KYNU: variants seen among roughly 807,000 people sequenced by gnomAD.
The protein encoded by KYNU is L-kynurenine hydrolase.
A neutral mutation model predicts 59.2 loss-of-function variants in KYNU; 54 were observed. The observed-to-expected ratio is 0.91, with a 90% confidence interval of 0.73 to 1.14. The LOEUF is 1.14. KYNU is among the 50% of genes most tolerant of loss of function. KYNU has a pLI of 0.00. For synonymous variants in KYNU, 177 were observed against 192.0 expected (o/e 0.92, Z 0.65); for missense variants, 567 against 554.4 (o/e 1.02, Z -0.23).
At chr2:143,013,976 G>A (rs545200785) in intron 10 of KYNU, among the ~76,000 whole-genome samples, 2 of 152,266 alleles carry the variant, frequency 1.3e-5, no homozygotes, top group South Asian at 4.1e-4. Context: ...GGAGACTTGG[G>A]GTCTGTCAGT....
intron 12 of KYNU, among the ~76,000 whole-genome samples, chr2:143,033,790 C>G (rs1244719476): frequency 6.6e-6 from 1 of 151,952 alleles, no homozygotes; most frequent in South Asian, 2.1e-4. Flanking sequence ...ATGAACTGAC[C>G]AAGTACCATG....
chr2:142,966,498 G>A (rs1450894831), intron 8 of KYNU, among the ~76,000 whole-genome samples: 1 of 152,136 alleles, frequency 6.6e-6, no homozygotes, highest in Non-Finnish European at 1.5e-5. Context: ...ATCACTGCAT[G>A]CTCAAGAACA....
chr2:142,956,210 T>G lies in KYNU; in HGVS notation c.443T>G (p.Phe148Cys), dbSNP rs1180006688. 1 of 1,585,984 alleles carries G rather than the reference T, an allele frequency of 6.3e-7. No homozygotes were observed. Among genetic ancestry groups the G allele is most frequent in the African/African-American group, 1.3e-5 (1 of 74,334 alleles). Residue 148 changes from phenylalanine to cysteine, a missense_variant, in exon 6 of 14, where the codon TTT becomes TGT. Transcript: ENST00000264170. Reference protein sequence around the residue: ...TVNLHLLMLSFFKPTPKRYKI... With the variant: ...TVNLHLLMLSCFKPTPKRYKI... ...AAATCCATTTTATTGCAGTTATCAT[T>G]TTTTAAGCCTACGCCAAAACGATAT...
chr2:143,001,473 T>C (rs1276625237), intron 10 of KYNU, among the ~76,000 whole-genome samples: 1 of 152,200 alleles, frequency 6.6e-6, no homozygotes, highest in African/African-American at 2.4e-5. Flanking sequence ...ACAATAGATA[T>C]AGAGCCCTTA....
chr2:143,033,236 A>T lies in KYNU; in HGVS notation c.956A>T (p.Lys319Ile). Residue 319 changes from lysine to isoleucine, a missense_variant and splice_region_variant, in exon 12 of 14, where the codon AAA (lysine) becomes ATA (isoleucine). By Grantham distance (102) the Lys-to-Ile change is moderately radical. Transcript: ENST00000264170. ...ELSTRFKMDN[K>I]LQLIPGVCGF... ...TAATGACATGATATTAATTTCTCAG[A>T]ACTGCAGTTAATCCCTGGGGTCTGT... 6.2e-7 allele frequency: 1 copy of T among 1,605,724 alleles called. No homozygotes were observed. Among genetic ancestry groups the T allele is most frequent in the Non-Finnish European group, 8.5e-7 (1 of 1,172,406 alleles).
Position 142,885,550 on chromosome 2 carries a change from G to A in KYNU, c.169+14G>A. On this transcript the variant is annotated intron_variant, in intron 2 of 13. Coordinates refer to ENST00000264170, the MANE Select transcript of KYNU (RefSeq NM_003937.3). ...ATCTGCCTCCAGGTAAGAATGCTGGGAAGGTTTTTAAATTTTATTTATTTA... is the reference window on the plus strand; with the variant it reads ...ATCTGCCTCCAGGTAAGAATGCTGGAAAGGTTTTTAAATTTTATTTATTTA... 6.2e-7 allele frequency: 1 copy of A among 1,606,702 alleles called. No individual in the cohort carries two copies. Among genetic ancestry groups the A allele is most frequent in the Admixed American group, 1.7e-5 (1 of 59,814 alleles).
chr2:142,879,644 A>G (rs953327495), intron 1 of KYNU: 23 of 152,330 alleles, frequency 1.5e-4, no homozygotes, highest in Admixed American at 1.4e-3. Context: ...GACCAGCACA[A>G]TGGACTCAGC....
intron 3 of KYNU, among the ~76,000 whole-genome samples, chr2:142,924,298 C>T (rs554132284): frequency 1.3e-5 from 2 of 152,026 alleles, no homozygotes; most frequent in South Asian, 2.1e-4. Flanking sequence ...GTAGAGACGA[C>T]GTCTCCCTAT....
At chr2:142,879,265 C>A (rs146447539) in intron 1 of KYNU, among the ~76,000 whole-genome samples, 1 of 152,104 alleles carries the variant, frequency 6.6e-6, no homozygotes, top group Non-Finnish European at 1.5e-5. Flanking sequence ...TGAGACCATG[C>A]GAAGTTGTGC....
chr2:142,999,833 C>A (rs1233588864), intron 10 of KYNU, among the ~76,000 whole-genome samples: 1 of 151,988 alleles, frequency 6.6e-6, no homozygotes, highest in African/African-American at 2.4e-5. Context: ...AGACAGAAAT[C>A]TCATCTTCTT....
chr2:143,032,476 C>T (rs1686781099), intron 11 of KYNU, among the ~76,000 whole-genome samples: 2 of 152,026 alleles, frequency 1.3e-5, no homozygotes, highest in Non-Finnish European at 2.9e-5. Context: ...GACTCAGAGC[C>T]AAACCATATC....
chr2:142,895,783 C>T (rs1347102319), intron 2 of KYNU, among the ~76,000 whole-genome samples: 1 of 152,116 alleles, frequency 6.6e-6, no homozygotes, highest in Non-Finnish European at 1.5e-5. Flanking sequence ...CTCCCTGGCT[C>T]AAGCAATTCT....
chr2:142,902,905 G>T (rs1196143224), intron 2 of KYNU, among the ~76,000 whole-genome samples: 1 of 152,140 alleles, frequency 6.6e-6, no homozygotes, highest in Non-Finnish European at 1.5e-5. Flanking sequence ...CATCTTTAAA[G>T]GCAAATAAGA....
intron 5 of KYNU, among the ~76,000 whole-genome samples, chr2:142,955,311 T>C (rs1469010279): frequency 6.6e-6 from 1 of 152,082 alleles, no homozygotes; most frequent in African/African-American, 2.4e-5. Flanking sequence ...AGAGGTCTAG[T>C]ACCTTAAATG....
chr2:143,013,407 C>G (rs1034043883), intron 10 of KYNU, among the ~76,000 whole-genome samples: 37 of 152,012 alleles, frequency 2.4e-4, no homozygotes, highest in African/African-American at 6.8e-4. Context: ...CTGCAGTGAA[C>G]AAAGGAGTGC....
intron 2 of KYNU, among the ~76,000 whole-genome samples, chr2:142,906,358 G>A (rs745378454): frequency 6.6e-6 from 1 of 152,176 alleles, no homozygotes; most frequent in African/African-American, 2.4e-5. Flanking sequence ...GTGGTGGGTC[G>A]GGGGATGCTG....
At chr2:142,941,890 G>A (rs1329444598) in intron 4 of KYNU, among the ~76,000 whole-genome samples, 2 of 152,012 alleles carry the variant, frequency 1.3e-5, no homozygotes, top group East Asian at 3.9e-4. Context: ...ATGAATAAAC[G>A]AGGCACAGTG....
At chr2:142,888,755 A>T (rs573410549) in intron 2 of KYNU, among the ~76,000 whole-genome samples, 1 of 151,600 alleles carries the variant, frequency 6.6e-6, no homozygotes, top group South Asian at 2.1e-4. Context: ...ATGTCTAAGG[A>T]TTCATGTATT....
intron 3 of KYNU, among the ~76,000 whole-genome samples, chr2:142,919,185 A>G (rs975870013): frequency 2.6e-5 from 4 of 152,242 alleles, no homozygotes; most frequent in African/African-American, 9.6e-5. Flanking sequence ...GCTGCTCAGT[A>G]GTCTCATTTG....
Sources: gnomAD v4.1 joint callset for allele counts (sites outside exome capture counted in the v4.1 genomes callset) on GRCh38, gnomAD v4.1.1 for gene constraint, MANE v1.5 for transcripts, NCBI Gene and HGNC (gene_info 2026-07-23, HGNC 2026-07-21) for gene names.